The following CTNNA2 variants were observed in gnomAD, a reference collection of about 807,000 sequenced individuals.
The protein encoded by CTNNA2 is catenin alpha 2.
Under a neutral mutation model 101.0 loss-of-function variants are expected in CTNNA2, and 42 were observed. The observed-to-expected ratio is 0.42, with a 90% CI of 0.32 to 0.54. The LOEUF is 0.54. Ranked by LOEUF, CTNNA2 falls within the 20% of genes least tolerant of loss-of-function variation. The pLI, the probability that CTNNA2 is intolerant of heterozygous loss-of-function variation, is 0.14. For synonymous variants in CTNNA2, 450 were observed against 456.4 expected (o/e 0.99, Z 0.18); for missense variants, 871 against 1,223.1 (o/e 0.71, Z 4.29).
intron 4 of CTNNA2, among the ~76,000 whole-genome samples, chr2:79,457,484 G>A (rs11893385): frequency 0.044 from 6,639 of 152,134 alleles, 465 homozygotes; most frequent in African/African-American, 0.15. Context: ...AATATAAGTG[G>A]GTCATTGGGG....
intron 2 of CTNNA2, among the ~76,000 whole-genome samples, chr2:79,308,511 A>T (rs949018176): frequency 6.6e-6 from 1 of 152,064 alleles, no homozygotes. Flanking sequence ...AGCTTGATAT[A>T]TTCCCATTTG....
intron 3 of CTNNA2, among the ~76,000 whole-genome samples, chr2:79,371,762 G>A (rs1289624511): frequency 6.6e-6 from 1 of 152,056 alleles, no homozygotes; most frequent in African/African-American, 2.4e-5. Context: ...GGCAAAGTAG[G>A]TCAACTGGTC....
rs1437825636 is a variant in CTNNA2, at chr2:80,606,409, CA to C, written c.2296-1774del. Among the ~76,000 whole-genome samples, 131 of 52,610 alleles carry C rather than the reference CA, an allele frequency of 2.5e-3. 2 individuals carry two copies. Among genetic ancestry groups the C allele is most frequent in the East Asian group, 0.025 (47 of 1,888 alleles). The allele number at this position is 52,610 out of a possible 152,430, so 34.5% of individuals were successfully genotyped here. On this transcript the variant is annotated intron_variant, in intron 16 of 18. Coordinates refer to ENST00000402739, the MANE Select transcript of CTNNA2 (RefSeq NM_001282597.3). ...ACACACACACACACACACACACACACACACCCCCCAGGATACATTTATTTTG... is the reference window on the plus strand; with the variant it reads ...ACACACACACACACACACACACACACCACCCCCCAGGATACATTTATTTTG...
chr2:79,453,825 T>C (rs1182871164), intron 4 of CTNNA2, among the ~76,000 whole-genome samples: 2 of 152,162 alleles, frequency 1.3e-5, no homozygotes, highest in Admixed American at 1.3e-4. Context: ...TCTTTGGAGA[T>C]GTATGAGAGG....
chr2:79,270,364 A>G (rs923966086), intron 2 of CTNNA2, among the ~76,000 whole-genome samples: 4 of 152,062 alleles, frequency 2.6e-5, no homozygotes, highest in African/African-American at 7.2e-5. Flanking sequence ...CTGATGTGCA[A>G]TCTGCTTCCT....
chr2:79,476,619 T>C (rs999252664), intron 4 of CTNNA2, among the ~76,000 whole-genome samples: 1 of 152,216 alleles, frequency 6.6e-6, no homozygotes, highest in Admixed American at 6.5e-5. Flanking sequence ...ATTGTTCTTT[T>C]CTGCTACTGC....
intron 3 of CTNNA2, among the ~76,000 whole-genome samples, chr2:79,773,545 A>T (rs922159717): frequency 5.9e-5 from 9 of 152,192 alleles, no homozygotes; most frequent in Non-Finnish European, 1.2e-4. Flanking sequence ...GGCAGTCAGA[A>T]TATGCATCTA....
chr2:80,396,862 C>T (rs1678065671), intron 8 of CTNNA2, among the ~76,000 whole-genome samples: 1 of 152,138 alleles, frequency 6.6e-6, no homozygotes, highest in Non-Finnish European at 1.5e-5. Flanking sequence ...ACAATGAGTC[C>T]AGCAATGAGA....
chr2:79,653,757 C>T (rs932405481), intron 2 of CTNNA2, among the ~76,000 whole-genome samples: 14 of 152,216 alleles, frequency 9.2e-5, no homozygotes, highest in African/African-American at 3.4e-4. Context: ...TTTTTCCTCT[C>T]ACATTTCACT....
At chr2:79,427,096 T>A (rs528711674) in intron 4 of CTNNA2, among the ~76,000 whole-genome samples, 7 of 152,076 alleles carry the variant, frequency 4.6e-5, no homozygotes, top group African/African-American at 1.4e-4. Context: ...TAACATGAAA[T>A]GAAGATATAG....
chr2:79,495,463 A>G (rs904095677), intron 4 of CTNNA2, among the ~76,000 whole-genome samples: 1 of 152,206 alleles, frequency 6.6e-6, no homozygotes, highest in Non-Finnish European at 1.5e-5. Flanking sequence ...AAAAATAAAA[A>G]TAATAACATG....
At chr2:79,694,475 C>A (rs936787212) in intron 2 of CTNNA2, among the ~76,000 whole-genome samples, 1 of 151,448 alleles carries the variant, frequency 6.6e-6, no homozygotes, top group Non-Finnish European at 1.5e-5. Context: ...CTATGCACTT[C>A]TTTGTCAACT....
At chr2:80,124,746 G>A (rs1220579772) in intron 7 of CTNNA2, among the ~76,000 whole-genome samples, 1 of 152,146 alleles carries the variant, frequency 6.6e-6, no homozygotes, top group Non-Finnish European at 1.5e-5. Flanking sequence ...CCCAGGGGTT[G>A]AGCGAGGTTA....
intron 9 of CTNNA2, among the ~76,000 whole-genome samples, chr2:80,522,172 C>G (rs904746692): frequency 1.3e-5 from 2 of 152,146 alleles, no homozygotes; most frequent in African/African-American, 4.8e-5. Flanking sequence ...TATTCGGAAA[C>G]AGTTTTCATG....
At chr2:80,315,119 AATCACACCCTATAGATTGAAGAAAAGG>A (rs1677978121) in intron 7 of CTNNA2, among the ~76,000 whole-genome samples, 1 of 152,208 alleles carries the variant, frequency 6.6e-6, no homozygotes, top group Admixed American at 6.5e-5. Context: ...CCAGGGCAAA[AATCACACCCTATAGATTGAAGAAAAGG>A]AGGGAAAATA....
intron 4 of CTNNA2, among the ~76,000 whole-genome samples, chr2:79,377,869 C>A (rs748067481): frequency 1.2e-4 from 19 of 152,136 alleles, no homozygotes; most frequent in Non-Finnish European, 2.5e-4. Flanking sequence ...GCTTGTTCTG[C>A]CATGAGTAAT....
At chr2:80,049,460 TAATG>T (rs879695157) in intron 7 of CTNNA2, among the ~76,000 whole-genome samples, 1 of 152,154 alleles carries the variant, frequency 6.6e-6, no homozygotes, top group Non-Finnish European at 1.5e-5. Flanking sequence ...TTGATAGAAA[TAATG>T]AATTCATTTA....
intron 7 of CTNNA2, among the ~76,000 whole-genome samples, chr2:80,012,454 A>C (rs563300302): frequency 1.3e-5 from 2 of 152,292 alleles, no homozygotes; most frequent in African/African-American, 4.8e-5. Flanking sequence ...CAGGCTGTCC[A>C]AAGGTATCTG....
chr2:80,445,412 G>A (rs772685980), intron 9 of CTNNA2, among the ~76,000 whole-genome samples: 2 of 151,986 alleles, frequency 1.3e-5, no homozygotes, highest in Non-Finnish European at 2.9e-5. Context: ...TAACTCCTGA[G>A]CTCAAGTGAT....
Sources: allele counts gnomAD v4.1 joint callset (sites outside exome capture counted in the v4.1 genomes callset), GRCh38; gene constraint gnomAD v4.1.1; transcripts MANE v1.5; gene names NCBI Gene and HGNC (gene_info 2026-07-23, HGNC 2026-07-21).